The following CPQ variants were observed in gnomAD, a reference collection of about 807,000 sequenced individuals.
CPQ encodes the protein Ser-Met dipeptidase.
A neutral mutation model predicts 45.7 loss-of-function variants in CPQ; 37 were observed. The ratio of observed to expected loss-of-function variants is 0.81; its 90% CI spans 0.62 to 1.07. The LOEUF is 1.07. CPQ is among the 50% of genes least tolerant of loss of function. The pLI is 0.00. For missense variants in CPQ, 537 were observed against 572.9 expected, an observed-to-expected ratio of 0.94 and a Z score of 0.64; for synonymous variants, 186 against 205.8, an observed-to-expected ratio of 0.90 and a Z score of 0.82.
At chr8:96,732,985 G>A (rs1209196521) in intron 1 of CPQ, among the ~76,000 whole-genome samples, 1 of 152,160 alleles carries the variant, frequency 6.6e-6, no homozygotes, top group African/African-American at 2.4e-5. Flanking sequence ...ATATGTGAGA[G>A]ACTAATTAAT....
intron 6 of CPQ, among the ~76,000 whole-genome samples, chr8:97,060,931 A>G (rs1810539602): frequency 6.6e-6 from 1 of 152,188 alleles, no homozygotes; most frequent in Non-Finnish European, 1.5e-5. Context: ...ACATTGTCCC[A>G]ACTCCTTCAC....
chr8:96,968,882 G>A (rs142764653), intron 5 of CPQ, among the ~76,000 whole-genome samples: 107 of 152,290 alleles, frequency 7.0e-4, no homozygotes, highest in Middle Eastern at 3.4e-3. Flanking sequence ...AGTCTTTCCC[G>A]AGTAACTGTC....
intron 4 of CPQ, among the ~76,000 whole-genome samples, chr8:96,904,517 T>G (rs1426437055): frequency 6.6e-6 from 1 of 152,232 alleles, no homozygotes; most frequent in Non-Finnish European, 1.5e-5. Flanking sequence ...GACTTTGATC[T>G]GTCACCTGGT....
At chr8:97,075,106 A>G (rs1271814127) in intron 7 of CPQ, among the ~76,000 whole-genome samples, 1 of 152,128 alleles carries the variant, frequency 6.6e-6, no homozygotes, top group East Asian at 1.9e-4. Flanking sequence ...GCTCAAAGTA[A>G]GAACACTTAA....
At chr8:96,891,714 T>G (rs150531419) in intron 4 of CPQ, among the ~76,000 whole-genome samples, 1 of 152,306 alleles carries the variant, frequency 6.6e-6, no homozygotes, top group East Asian at 1.9e-4. Context: ...TATATACATA[T>G]TATCCCATTA....
At chr8:97,006,159 C>T (rs1438780498) in intron 5 of CPQ, among the ~76,000 whole-genome samples, 1 of 152,102 alleles carries the variant, frequency 6.6e-6, no homozygotes, top group East Asian at 1.9e-4. Flanking sequence ...GGGTTATTTG[C>T]TCTTGTAGAA....
chr8:96,802,330 T>A (rs1811016324), intron 2 of CPQ, among the ~76,000 whole-genome samples: 1 of 152,204 alleles, frequency 6.6e-6, no homozygotes, highest in African/African-American at 2.4e-5. Flanking sequence ...GGAATTATAG[T>A]CACTTGAATC....
intron 5 of CPQ, among the ~76,000 whole-genome samples, chr8:97,023,722 T>A (rs1200994983): frequency 6.6e-6 from 1 of 152,176 alleles, no homozygotes; most frequent in East Asian, 1.9e-4. Flanking sequence ...TCACATCTCT[T>A]TAATCTTCTT....
At chr8:97,126,403 C>T (rs1811848349) in intron 7 of CPQ, among the ~76,000 whole-genome samples, 1 of 152,156 alleles carries the variant, frequency 6.6e-6, no homozygotes. Flanking sequence ...TTTTTGTTAT[C>T]AGGCATGCAA....
chr8:96,966,116 T>C, intron 5 of CPQ, 70 bp downstream of exon 5: 1 of 1,062,440 alleles, frequency 9.4e-7, no homozygotes, highest in Non-Finnish European at 1.4e-6. Flanking sequence ...AAACACAAAA[T>C]ACTTAACAGA....
intron 1 of CPQ, among the ~76,000 whole-genome samples, chr8:96,743,940 C>G (rs1217261715): frequency 7.7e-6 from 1 of 130,256 alleles, no homozygotes; most frequent in South Asian, 2.4e-4. Context: ...TTTGTCTGTG[C>G]CCTGCCCCCA....
At chr8:96,995,016 C>A (rs1018793964) in intron 5 of CPQ, among the ~76,000 whole-genome samples, 3 of 151,846 alleles carry the variant, frequency 2.0e-5, no homozygotes, top group Non-Finnish European at 4.4e-5. Flanking sequence ...GCAGAGGAGG[C>A]ATACTCGAAA....
intron 5 of CPQ, among the ~76,000 whole-genome samples, chr8:96,990,692 C>T (rs930817960): frequency 6.6e-6 from 1 of 152,136 alleles, no homozygotes; most frequent in Non-Finnish European, 1.5e-5. Context: ...CTCTCAAAGC[C>T]CTTACCAATA....
chr8:97,013,020 T>C (rs1809516767), intron 5 of CPQ, among the ~76,000 whole-genome samples: 1 of 152,172 alleles, frequency 6.6e-6, no homozygotes, highest in Non-Finnish European at 1.5e-5. Context: ...TCAGTATTTG[T>C]AGAGTCGCCA....
At chr8:96,655,008 A>G (rs1815622354) in intron 1 of CPQ, among the ~76,000 whole-genome samples, 1 of 151,366 alleles carries the variant, frequency 6.6e-6, no homozygotes, top group Non-Finnish European at 1.5e-5. Flanking sequence ...CTTTCTCCTC[A>G]ATGATTTTTT....
intron 3 of CPQ, among the ~76,000 whole-genome samples, chr8:96,843,506 T>A (rs933080600): frequency 6.6e-6 from 1 of 152,202 alleles, no homozygotes; most frequent in Admixed American, 6.5e-5. Flanking sequence ...ACAAACCCTA[T>A]GCCATTTAGA....
chr8:97,142,899 G>C (rs1586560833), intron 7 of CPQ, 121 bp from the exon 8 acceptor site: 1 of 847,244 alleles, frequency 1.2e-6, no homozygotes, highest in East Asian at 2.7e-5. Context: ...GCCTGGAAAA[G>C]TAATTATTTT....
intron 4 of CPQ, among the ~76,000 whole-genome samples, chr8:96,898,857 G>A (rs895780413): frequency 6.6e-6 from 1 of 151,164 alleles, no homozygotes; most frequent in African/African-American, 2.4e-5. Context: ...TGTAAAGGGA[G>A]TAAAAAGGGT....
chr8:96,791,366 G>T (rs761636199), intron 2 of CPQ, among the ~76,000 whole-genome samples: 6 of 152,026 alleles, frequency 3.9e-5, no homozygotes, highest in Non-Finnish European at 8.8e-5. Context: ...GAATATATTG[G>T]TTTTTGTGTG....
Sources: allele counts gnomAD v4.1 joint callset (sites outside exome capture counted in the v4.1 genomes callset), GRCh38; gene constraint gnomAD v4.1.1; transcripts MANE v1.5; gene names NCBI Gene and HGNC (gene_info 2026-07-23, HGNC 2026-07-21).